The following NRG1 variants were observed in gnomAD, a reference collection of about 807,000 sequenced individuals.
The protein encoded by NRG1 is pro-neuregulin-1, membrane-bound isoform.
Under a neutral mutation model 63.8 loss-of-function variants are expected in NRG1, and 18 were observed. The ratio of observed to expected loss-of-function variants is 0.28; its 90% CI spans 0.19 to 0.42. The LOEUF (loss-of-function observed/expected upper bound fraction) is 0.42, where lower values mean the gene tolerates loss of function less well. Ranked by LOEUF, NRG1 falls within the 10% of genes least tolerant of loss-of-function variation. The pLI is 1.00. For missense variants in NRG1, 762 were observed against 814.7 expected, an observed-to-expected ratio of 0.94 and a Z score of 0.79; for synonymous variants, 302 against 301.3, an observed-to-expected ratio of 1.00 and a Z score of -0.02.
chr8:31,725,913 G>A (rs1023162591), intron 1 of NRG1, among the ~76,000 whole-genome samples: 1 of 152,070 alleles, frequency 6.6e-6, no homozygotes, highest in Non-Finnish European at 1.5e-5. Flanking sequence ...TTGAAGAAAA[G>A]AAATGACTAA....
chr8:32,377,846 T>C (rs761265237), intron 1 of NRG1, among the ~76,000 whole-genome samples: 1 of 152,192 alleles, frequency 6.6e-6, no homozygotes, highest in Non-Finnish European at 1.5e-5. Context: ...ATGATGTCCC[T>C]CTTGGAATTA....
chr8:31,878,550 A>G (rs1830102777), intron 1 of NRG1, among the ~76,000 whole-genome samples: 1 of 152,338 alleles, frequency 6.6e-6, no homozygotes, highest in Admixed American at 6.5e-5. Context: ...ATATAGTAAT[A>G]TCGCCACAAA....
At chr8:32,691,390 C>T (rs1307250682) in intron 5 of NRG1, among the ~76,000 whole-genome samples, 1 of 152,068 alleles carries the variant, frequency 6.6e-6, no homozygotes, top group Non-Finnish European at 1.5e-5. Context: ...GGTGAGATGC[C>T]AATTCTCTTC....
At chr8:32,491,849 G>A (rs996192263) in intron 1 of NRG1, among the ~76,000 whole-genome samples, 1 of 152,160 alleles carries the variant, frequency 6.6e-6, no homozygotes, top group African/African-American at 2.4e-5. Context: ...CACAGAGGCT[G>A]CCTTTGTTTG....
exon 1 of NRG1, chr8:31,639,297 C>T: frequency 6.9e-7 from 1 of 1,444,706 alleles, no homozygotes; most frequent in Non-Finnish European, 9.4e-7. Context: ...CCCGTCCTCC[C>T]ATTGCAGCAC....
At chr8:32,293,737 T>TG (rs1247783842) in intron 1 of NRG1, among the ~76,000 whole-genome samples, 2 of 143,684 alleles carry the variant, frequency 1.4e-5, no homozygotes, top group Non-Finnish European at 3.1e-5. Flanking sequence ...TTTTTTTTTT[T>TG]GAGATGGAGT....
intron 1 of NRG1, among the ~76,000 whole-genome samples, chr8:32,277,260 T>G (rs1852210248): frequency 6.6e-6 from 1 of 152,222 alleles, no homozygotes. Context: ...ATTTAATATT[T>G]TTAAACATGA....
intron 1 of NRG1, among the ~76,000 whole-genome samples, chr8:32,185,689 T>C (rs970391555): frequency 3.9e-5 from 6 of 152,200 alleles, no homozygotes; most frequent in African/African-American, 9.6e-5. Flanking sequence ...AAAATGTTCA[T>C]TCAACTTTTG....
intron 1 of NRG1, among the ~76,000 whole-genome samples, chr8:32,575,036 C>G (rs934797772): frequency 9.2e-5 from 14 of 152,164 alleles, no homozygotes; most frequent in Non-Finnish European, 1.5e-5. Context: ...CTAGACAAAT[C>G]TAAAGCCAAA....
chr8:31,995,256 G>A (rs1238615810), intron 1 of NRG1, among the ~76,000 whole-genome samples: 1 of 151,792 alleles, frequency 6.6e-6, no homozygotes, highest in Admixed American at 6.6e-5. Flanking sequence ...TCCTTTACTT[G>A]TCTATGTATA....
At chr8:31,827,485 G>T (rs10098252) in intron 1 of NRG1, among the ~76,000 whole-genome samples, 110,811 of 151,988 alleles carry the variant, frequency 0.73, 41,104 homozygotes, top group East Asian at 0.99. Flanking sequence ...TGAATAATAG[G>T]AAGATTTTGC....
At chr8:32,400,033 A>G (rs762150469) in intron 1 of NRG1, among the ~76,000 whole-genome samples, 2 of 152,192 alleles carry the variant, frequency 1.3e-5, no homozygotes, top group Non-Finnish European at 2.9e-5. Context: ...AGTGCAGTCC[A>G]TAAATTGTTT....
intron 1 of NRG1, among the ~76,000 whole-genome samples, chr8:32,001,142 A>T (rs1047367770): frequency 2.6e-5 from 4 of 152,030 alleles, no homozygotes; most frequent in African/African-American, 9.7e-5. Context: ...AAATATGAAT[A>T]CTAATTATTT....
intron 1 of NRG1, chr8:32,441,217 A>C (rs1028695196): frequency 2.0e-5 from 3 of 152,106 alleles, no homozygotes; most frequent in African/African-American, 7.2e-5. Context: ...TTGTTGGTAC[A>C]TGTTTTAGGT....
rs111792404 is a variant in NRG1, at chr8:32,714,535, A to T, written c.503-13414A>T. On this transcript the variant is annotated intron_variant, in intron 5 of 11. Transcript: ENST00000356819. ...AGACAACACAAATGGGGGAAAAAAT[A>T]ATGAGATGTATTGGACACTTTCCTG... is the stretch of plus-strand genomic sequence containing the variant. Among the ~76,000 whole-genome samples the T allele has an allele frequency of 7.2e-5, 11 of 152,352 alleles. 1 individual carries two copies. The highest frequency in any genetic ancestry group is 2.6e-4 in the African/African-American group (11 of 41,586).
At chr8:32,369,448 A>G (rs1176556836) in intron 1 of NRG1, among the ~76,000 whole-genome samples, 1 of 152,230 alleles carries the variant, frequency 6.6e-6, no homozygotes, top group Non-Finnish European at 1.5e-5. Flanking sequence ...TCACTGGGAT[A>G]CTGTTCTCTG....
At chr8:32,595,218 C>T (rs891442256) in intron 1 of NRG1, among the ~76,000 whole-genome samples, 26 of 151,930 alleles carry the variant, frequency 1.7e-4, no homozygotes, top group African/African-American at 5.6e-4. Context: ...GAAACAGAAT[C>T]TCACTCTGTC....
intron 1 of NRG1, among the ~76,000 whole-genome samples, chr8:32,109,010 C>T (rs889277503): frequency 3.9e-5 from 6 of 152,180 alleles, no homozygotes; most frequent in South Asian, 2.1e-4. Context: ...CACACAGTCA[C>T]GGAACATCTA....
intron 1 of NRG1, among the ~76,000 whole-genome samples, chr8:32,232,751 A>G (rs1847092358): frequency 6.6e-6 from 1 of 152,182 alleles, no homozygotes; most frequent in Non-Finnish European, 1.5e-5. Context: ...CATATCTGGT[A>G]TATCCCATTT....
Sources: gnomAD v4.1 joint callset for allele counts (sites outside exome capture counted in the v4.1 genomes callset) on GRCh38, gnomAD v4.1.1 for gene constraint, MANE v1.5 for transcripts, NCBI Gene and HGNC (gene_info 2026-07-23, HGNC 2026-07-21) for gene names.